The following PPIP5K1 variants were observed in gnomAD, a reference collection of about 807,000 sequenced individuals.
PPIP5K1 encodes the protein diphosphoinositol pentakisphosphate kinase 1.
In PPIP5K1, 6 loss-of-function variants were observed where a neutral mutation model predicts 27.7. The observed-to-expected ratio is 0.22, with a 90% CI of 0.12 to 0.43. The LOEUF (loss-of-function observed/expected upper bound fraction) is 0.43. Among genes scored for constraint, PPIP5K1 ranks in the 20% least tolerant of loss-of-function variants. The pLI, the probability that PPIP5K1 is intolerant of heterozygous loss-of-function variation, is 1.00. For synonymous variants in PPIP5K1, 145 were observed against 242.6 expected, an observed-to-expected ratio of 0.60 and a Z score of 3.74; for missense variants, 394 against 635.4, an observed-to-expected ratio of 0.62 and a Z score of 4.08.
intron 30 of PPIP5K1, among the ~76,000 whole-genome samples, chr15:43,556,537 T>C (rs1214959925): frequency 9.9e-5 from 11 of 111,514 alleles, no homozygotes; most frequent in South Asian, 5.6e-4. Flanking sequence ...TGAAACTCCA[T>C]CTCAAAAAAA....
intron 31 of PPIP5K1, 74 bp from the exon 32 acceptor site, chr15:43,535,550 T>C: frequency 8.0e-7 from 1 of 1,243,880 alleles, no homozygotes; most frequent in Non-Finnish European, 1.1e-6. Context: ...ATAGTTCAAA[T>C]GCTAGAATTG....
intron 30 of PPIP5K1, among the ~76,000 whole-genome samples, chr15:43,546,363 C>T (rs148971589): frequency 1.3e-5 from 2 of 152,288 alleles, no homozygotes; most frequent in Non-Finnish European, 2.9e-5. Context: ...GTGGTGTGAT[C>T]GTAGCTCACT....
chr15:43,534,955 C>A lies in PPIP5K1; in HGVS notation c.4192G>T (p.Gly1398Trp), dbSNP rs771351970. Residue 1398 changes from glycine to tryptophan, a missense_variant, in exon 32 of 32, where the codon GGG becomes TGG. This residue lies in a region of PPIP5K1 where 379 missense variants were observed against 423.9 expected (regional missense o/e 0.89). Coordinates refer to ENST00000420765, the MANE Select transcript of PPIP5K1 (RefSeq NM_001394395.1). ...NSEEVSQPCQ[G>W]VSVEVGKLVH... ...AGCTTGCCAACCTCCACAGAGACCC[C>A]CTGGCATGGCTGGCTGACCTCCTCG... 7 of 1,614,202 alleles carry A rather than the reference C, an allele frequency of 4.3e-6. No homozygotes were observed. Among genetic ancestry groups the A allele is most frequent in the Non-Finnish European group, 5.9e-6 (7 of 1,180,040 alleles).
chr15:43,580,278 G>A (rs1171888768), intron 10 of PPIP5K1, among the ~76,000 whole-genome samples: 1 of 35,368 alleles, frequency 2.8e-5, no homozygotes. Flanking sequence ...TACCGCACCC[G>A]ACCTATATTC....
At chr15:43,572,630 T>TG in intron 23 of PPIP5K1, 139 bp downstream of exon 23, 1 of 744,344 alleles carries the variant, frequency 1.3e-6, no homozygotes, top group South Asian at 1.6e-5. Context: ...AGGAACCTCC[T>TG]GGATGCTCTG....
At chr15:43,546,226 T>C (rs1201009085) in intron 30 of PPIP5K1, among the ~76,000 whole-genome samples, 2 of 152,226 alleles carry the variant, frequency 1.3e-5, no homozygotes, top group African/African-American at 4.8e-5. Context: ...CTTCATTCCT[T>C]TTTATAGCTC....
chr15:43,580,663 C>T (rs2084943485), intron 10 of PPIP5K1, among the ~76,000 whole-genome samples: 1 of 102,170 alleles, frequency 9.8e-6, no homozygotes, highest in Non-Finnish European at 1.8e-5. Context: ...GGCACTATCT[C>T]AGCTCACTGC....
At chr15:43,542,647 A>AGTGT (rs56361192) in intron 30 of PPIP5K1, among the ~76,000 whole-genome samples, 14,537 of 120,836 alleles carry the variant, frequency 0.12, 962 homozygotes, top group Middle Eastern at 0.18. Context: ...ATATATATTC[A>AGTGT]GTGTGTGTGT....
At chr15:43,542,511 G>A (rs1030730730) in intron 30 of PPIP5K1, among the ~76,000 whole-genome samples, 22 of 149,500 alleles carry the variant, frequency 1.5e-4, no homozygotes, top group Middle Eastern at 4.1e-3. Context: ...GGCTGGTCTC[G>A]AACTCCTGAA....
intron 30 of PPIP5K1, among the ~76,000 whole-genome samples, chr15:43,543,009 T>A (rs2140490174): frequency 6.6e-6 from 1 of 151,990 alleles, no homozygotes; most frequent in South Asian, 2.1e-4. Context: ...TTGTCCCAAT[T>A]TTGGTCACTG....
chr15:43,543,933 G>A (rs2081077012), intron 30 of PPIP5K1, among the ~76,000 whole-genome samples: 1 of 151,882 alleles, frequency 6.6e-6, no homozygotes, highest in South Asian at 2.1e-4. Context: ...CCAAAGAACT[G>A]ATAAAGTATT....
At chr15:43,536,007 T>A in intron 31 of PPIP5K1, 4 of 1,045,178 alleles carry the variant, frequency 3.8e-6, no homozygotes, top group Non-Finnish European at 5.0e-6. Context: ...CTGTTAAGAA[T>A]CATTCTTTAA....
chr15:43,559,355 T>G (rs1425658546), intron 29 of PPIP5K1, among the ~76,000 whole-genome samples: 1 of 152,184 alleles, frequency 6.6e-6, no homozygotes, highest in Admixed American at 6.5e-5. Flanking sequence ...CAGCAGATTT[T>G]GGGTATCATG....
At chr15:43,545,679 C>T (rs1488795473) in intron 30 of PPIP5K1, among the ~76,000 whole-genome samples, 1 of 152,026 alleles carries the variant, frequency 6.6e-6, no homozygotes, top group Non-Finnish European at 1.5e-5. Flanking sequence ...ACAAGTTTGA[C>T]TTTGAGTCAG....
chr15:43,551,606 G>GTTTTTTTTTTTTTTTTT lies in PPIP5K1; in HGVS notation c.3556+7188_3556+7189insAAAAAAAAAAAAAAAAA, dbSNP rs1293557795. ...TTTAGACTTTCTACTTCTTGATTCA[G>GTTTTTTTTTTTTTTTTT]TTTTTTTTTTTTTTGAGACGGAGTC... On this transcript the variant is annotated intron_variant, in intron 30 of 31. Transcript: ENST00000420765. Among the ~76,000 whole-genome samples, 38 of 105,450 alleles carry GTTTTTTTTTTTTTTTTT rather than the reference G, an allele frequency of 3.6e-4. 5 individuals are homozygous for GTTTTTTTTTTTTTTTTT. Among genetic ancestry groups the GTTTTTTTTTTTTTTTTT allele is most frequent in the African/African-American group, 8.8e-4 (17 of 19,306 alleles). The allele number at this position is 105,450 out of a possible 152,430, so 69.2% of individuals were successfully genotyped here. A position where few individuals can be genotyped will look rare whatever the true frequency, so the allele number is the denominator to read the frequency against.
intron 30 of PPIP5K1, among the ~76,000 whole-genome samples, chr15:43,547,593 C>T (rs2081537339): frequency 6.6e-6 from 1 of 152,190 alleles, no homozygotes; most frequent in Admixed American, 6.5e-5. Flanking sequence ...GGTTTCAGCA[C>T]CACTTATCGA....
intron 30 of PPIP5K1, among the ~76,000 whole-genome samples, chr15:43,547,262 T>C (rs1224553112): frequency 6.6e-6 from 1 of 152,238 alleles, no homozygotes; most frequent in Non-Finnish European, 1.5e-5. Context: ...TTGTTGTTGT[T>C]ATCATCTGTA....
In PPIP5K1 at chr15:43,546,354, T is replaced by C. The variant is rs145824297; in HGVS notation, c.3557-6771A>G. 3.6e-3 allele frequency among the ~76,000 whole-genome samples: 546 copies of C among 152,360 alleles called. 3 individuals carry two copies. Among genetic ancestry groups the C allele is most frequent in the African/African-American group, 0.012 (515 of 41,584 alleles). On this transcript the variant is annotated intron_variant, in intron 30 of 31. Coordinates refer to ENST00000420765, the MANE Select transcript of PPIP5K1 (RefSeq NM_001394395.1). ...CTCTTTCATCAAGGCTGAAGTGCAG[T>C]GGTGTGATCGTAGCTCACTGTAACC...
At chr15:43,537,312 T>C (rs1241551888) in intron 31 of PPIP5K1, 2 of 208,272 alleles carry the variant, frequency 9.6e-6, no homozygotes, top group Non-Finnish European at 1.8e-5. Context: ...ACCATTGCAC[T>C]CCAGCCTGGA....
Sources: allele counts gnomAD v4.1 joint callset (sites outside exome capture counted in the v4.1 genomes callset), GRCh38; gene constraint gnomAD v4.1.1; regional missense constraint gnomAD v4.1.1; transcripts MANE v1.5; gene names NCBI Gene and HGNC (gene_info 2026-07-23, HGNC 2026-07-21).